MKLN1: variants seen among roughly 807,000 people sequenced by gnomAD.
MKLN1 encodes the protein muskelin.
Under a neutral mutation model 99.0 loss-of-function variants are expected in MKLN1, and 18 were observed. The observed-to-expected ratio is 0.18, with a 90% CI of 0.13 to 0.27. The LOEUF is 0.27. Among genes scored for constraint, MKLN1 ranks in the 10% least tolerant of loss-of-function variants. The pLI, the probability that MKLN1 is intolerant of heterozygous loss-of-function variation, is 1.00. For missense variants in MKLN1, 621 were observed against 875.9 expected, an observed-to-expected ratio of 0.71 and a Z score of 3.67; for synonymous variants, 288 against 293.2, an observed-to-expected ratio of 0.98 and a Z score of 0.18.
intron 3 of MKLN1, among the ~76,000 whole-genome samples, chr7:131,290,065 G>A (rs1584893787): frequency 6.6e-6 from 1 of 152,170 alleles, no homozygotes; most frequent in East Asian, 1.9e-4. Context: ...CAGCACTTTG[G>A]GAGGCCAAGG....
chr7:131,113,384 A>G (rs376937969), intron 1 of MKLN1, among the ~76,000 whole-genome samples: 2 of 152,370 alleles, frequency 1.3e-5, no homozygotes, highest in East Asian at 1.9e-4. Context: ...GTATAAATGC[A>G]TGGCAGAAGT....
intron 1 of MKLN1, among the ~76,000 whole-genome samples, chr7:131,357,040 C>T (rs955574430): frequency 6.6e-6 from 1 of 152,102 alleles, no homozygotes; most frequent in Admixed American, 6.5e-5. Context: ...TGCCAGTTAC[C>T]CTATTCTTAC....
intron 3 of MKLN1, among the ~76,000 whole-genome samples, chr7:131,208,796 C>T (rs1474087388): frequency 6.6e-6 from 1 of 152,114 alleles, no homozygotes; most frequent in Non-Finnish European, 1.5e-5. Context: ...TCTCATGGAG[C>T]TTATATTCTA....
intron 3 of MKLN1, among the ~76,000 whole-genome samples, chr7:131,252,715 T>C (rs4731774): frequency 0.42 from 64,192 of 151,836 alleles, 14,155 homozygotes; most frequent in Middle Eastern, 0.61. Flanking sequence ...CCAAGAAAAC[T>C]AGAGAAAGAG....
intron 3 of MKLN1, among the ~76,000 whole-genome samples, chr7:131,298,840 C>G (rs1798333816): frequency 6.6e-6 from 1 of 152,064 alleles, no homozygotes; most frequent in African/African-American, 2.4e-5. Flanking sequence ...TCATGGACAC[C>G]ATTTAGAAAC....
At chr7:131,190,562 A>AT (rs536008630) in intron 2 of MKLN1, among the ~76,000 whole-genome samples, 32 of 150,978 alleles carry the variant, frequency 2.1e-4, no homozygotes, top group African/African-American at 2.9e-4. Flanking sequence ...TATAGAGACT[A>AT]TTTTTTTTTC....
chr7:131,404,845 C>T (rs1216734928), intron 6 of MKLN1, among the ~76,000 whole-genome samples: 1 of 152,124 alleles, frequency 6.6e-6, no homozygotes, highest in African/African-American at 2.4e-5. Context: ...GATCCACCTG[C>T]CTTGGCCTCC....
chr7:131,310,358 T>C (rs1798543683), intron 3 of MKLN1: 1 of 152,236 alleles, frequency 6.6e-6, no homozygotes. Flanking sequence ...CAAAAATCTT[T>C]CCTTTTGAAA....
intron 3 of MKLN1, among the ~76,000 whole-genome samples, chr7:131,203,757 C>A (rs892472769): frequency 6.6e-6 from 1 of 152,126 alleles, no homozygotes; most frequent in Non-Finnish European, 1.5e-5. Flanking sequence ...CTTCTCATAG[C>A]CTTTCCCACT....
intron 1 of MKLN1, among the ~76,000 whole-genome samples, chr7:131,370,559 C>T (rs1800317966): frequency 1.3e-5 from 2 of 150,010 alleles, no homozygotes; most frequent in South Asian, 4.2e-4. Context: ...GGTAAAATTT[C>T]GCATACCTCA....
At chr7:131,223,576 G>A (rs540960681) in intron 3 of MKLN1, among the ~76,000 whole-genome samples, 2 of 152,200 alleles carry the variant, frequency 1.3e-5, no homozygotes, top group East Asian at 3.9e-4. Flanking sequence ...CATGCCTCCT[G>A]TCAGCTTGCC....
intron 3 of MKLN1, among the ~76,000 whole-genome samples, chr7:131,222,714 A>G (rs1269252300): frequency 6.6e-6 from 1 of 152,064 alleles, no homozygotes; most frequent in Non-Finnish European, 1.5e-5. Context: ...ACCCATATAA[A>G]CATTTAAAAA....
At chr7:131,154,202 G>A (rs1248318282) in intron 2 of MKLN1, among the ~76,000 whole-genome samples, 1 of 152,118 alleles carries the variant, frequency 6.6e-6, no homozygotes, top group Non-Finnish European at 1.5e-5. Context: ...GTAGTTACCT[G>A]TAAAAAATGG....
intron 6 of MKLN1, among the ~76,000 whole-genome samples, chr7:131,400,518 A>AAATATAT (rs527702723): frequency 0.027 from 3,671 of 137,296 alleles, 147 homozygotes; most frequent in African/African-American, 0.091. Context: ...ATAAAAAAAA[A>AAATATAT]ATATATATAT....
intron 3 of MKLN1, among the ~76,000 whole-genome samples, chr7:131,262,633 C>A (rs1797749327): frequency 6.6e-6 from 1 of 151,976 alleles, no homozygotes; most frequent in Non-Finnish European, 1.5e-5. Flanking sequence ...TCACTGCAAC[C>A]TCCACCTCCT....
intron 6 of MKLN1, among the ~76,000 whole-genome samples, chr7:131,403,853 T>G (rs1794623210): frequency 6.6e-6 from 1 of 152,072 alleles, no homozygotes. Flanking sequence ...GTTGAAACAT[T>G]ACGAGAATTA....
chr7:131,428,962 G>A (rs1795438781), intron 8 of MKLN1, 71 bp from the exon 9 acceptor site: 3 of 1,200,156 alleles, frequency 2.5e-6, no homozygotes, highest in South Asian at 2.7e-5. Flanking sequence ...CTTAGAAACA[G>A]CTGGCTAGGT....
At chr7:131,380,706 A>C (rs1048842777) in intron 2 of MKLN1, among the ~76,000 whole-genome samples, 2 of 152,170 alleles carry the variant, frequency 1.3e-5, no homozygotes, top group Non-Finnish European at 2.9e-5. Flanking sequence ...TGTATAAATT[A>C]GTTTTATTTA....
chr7:131,445,343 A>G (rs918150745), intron 11 of MKLN1, among the ~76,000 whole-genome samples: 3 of 152,194 alleles, frequency 2.0e-5, no homozygotes, highest in African/African-American at 4.8e-5. Flanking sequence ...TCCTGCCACT[A>G]TAGGTAACTG....
Sources: gnomAD v4.1 joint callset for allele counts (sites outside exome capture counted in the v4.1 genomes callset) on GRCh38, gnomAD v4.1.1 for gene constraint, MANE v1.5 for transcripts, NCBI Gene and HGNC (gene_info 2026-07-23, HGNC 2026-07-21) for gene names.